Variants in MTAP observed in about 807,000 individuals in gnomAD.
MTAP encodes methylthioadenosine phosphorylase, also known as S-methyl-5'-thioadenosine phosphorylase.
In MTAP, 33 loss-of-function variants were observed where a neutral mutation model predicts 33.6. That is an observed-to-expected ratio of 0.98 (90% CI 0.74 to 1.31). The LOEUF (loss-of-function observed/expected upper bound fraction) is 1.31. Ranked by LOEUF, MTAP falls within the 40% of genes most tolerant of loss-of-function variation. The probability of loss-of-function intolerance (pLI) is 0.00; values close to 1 mark genes in which losing one functional copy is unlikely to be tolerated. For missense variants in MTAP, 367 were observed against 360.0 expected (o/e 1.02, Z -0.16); for synonymous variants, 148 against 125.7 (o/e 1.18, Z -1.19).
intron 1 of MTAP, chr9:21,892,343 C>T (rs985198905): frequency 1.3e-5 from 2 of 152,048 alleles, no homozygotes; most frequent in Non-Finnish European, 2.9e-5. Context: ...GATAAAGAAG[C>T]AAGACTCAAC....
intron 4 of MTAP, among the ~76,000 whole-genome samples, chr9:21,826,609 T>TTTATTA (rs149631009): frequency 0.019 from 2,734 of 140,850 alleles, 36 homozygotes; most frequent in South Asian, 0.03. Flanking sequence ...TGGGGTTTTG[T>TTTATTA]TTATTATTAT....
chr9:21,898,284 T>A (rs199842644), intron 1 of MTAP, among the ~76,000 whole-genome samples: 5 of 152,060 alleles, frequency 3.3e-5, no homozygotes, highest in Non-Finnish European at 7.4e-5. Context: ...AAACCCTAGA[T>A]GAAAACCTAG....
chr9:21,875,885 T>C (rs1481376139), intron 1 of MTAP, among the ~76,000 whole-genome samples: 2 of 152,162 alleles, frequency 1.3e-5, no homozygotes, highest in East Asian at 1.9e-4. Flanking sequence ...CCTCTGGGTA[T>C]ATACCTAGTA....
chr9:21,812,329 A>G lies in MTAP; in HGVS notation c.34-3104A>G, dbSNP rs373664973. On this transcript the variant is annotated intron_variant, in intron 1 of 7. Coordinates refer to ENST00000644715, the MANE Select transcript of MTAP (RefSeq NM_002451.4). Reference sequence around the variant, plus strand: ...TTTAGGGTTCTGAGGCAGATGTCATAGAGAGCTTTATTTATTATCATTGCA... The same window carrying G: ...TTTAGGGTTCTGAGGCAGATGTCATGGAGAGCTTTATTTATTATCATTGCA... 20 of 176,528 alleles carry G rather than the reference A, an allele frequency of 1.1e-4. 1 individual carries two copies. In the East Asian group the frequency reaches 2.6e-3, roughly 23 times the overall value. The allele number at this position is 176,528 out of a possible 1,614,324, so 10.9% of individuals were successfully genotyped here. A position where few individuals can be genotyped will look rare whatever the true frequency, so the allele number is the denominator to read the frequency against.
intron 1 of MTAP, among the ~76,000 whole-genome samples, chr9:21,876,394 T>A (rs2118673182): frequency 6.6e-6 from 1 of 152,340 alleles, no homozygotes; most frequent in South Asian, 2.1e-4. Context: ...TTGTCAATTT[T>A]TGCTTTTGTT....
intron 1 of MTAP, among the ~76,000 whole-genome samples, chr9:21,906,503 A>G (rs960272285): frequency 6.6e-6 from 1 of 152,088 alleles, no homozygotes; most frequent in African/African-American, 2.4e-5. Flanking sequence ...AGCAGAGAGG[A>G]GAGAGAAGAT....
At chr9:21,812,473 C>A (rs1824375642) in intron 1 of MTAP, 1 of 152,568 alleles carries the variant, frequency 6.6e-6, no homozygotes, top group South Asian at 2.1e-4. Context: ...AGAACTCTAT[C>A]TTGTGTAATA....
chr9:21,816,666 C>A (rs772395552), intron 2 of MTAP, 48 bp from the exon 3 acceptor site: 4 of 1,521,116 alleles, frequency 2.6e-6, no homozygotes, highest in African/African-American at 1.4e-5. Context: ...AATTTACATA[C>A]CTGTTTTTAA....
Position 21,864,568 on chromosome 9 carries a change from A to G in MTAP, c.*2554A>G. On this transcript the variant is annotated 3_prime_UTR_variant, in exon 8 of 8. Transcript: ENST00000644715. Reference sequence around the variant, plus strand: ...ATGGATTTTCATGGTTTTGAGAATGACATCCTGGCCCTGTGGTCCCCGAGG... The same window carrying G: ...ATGGATTTTCATGGTTTTGAGAATGGCATCCTGGCCCTGTGGTCCCCGAGG... The G allele has an allele frequency of 1.0e-6, 1 of 985,510 alleles. No homozygotes were observed. Among genetic ancestry groups the G allele is most frequent in the Non-Finnish European group, 1.2e-6 (1 of 829,984 alleles). The allele number at this position is 985,510 out of a possible 1,614,324, so 61.0% of individuals were successfully genotyped here.
intron 1 of MTAP, among the ~76,000 whole-genome samples, chr9:21,882,489 A>G (rs1818031356): frequency 1.3e-5 from 2 of 152,068 alleles, no homozygotes; most frequent in African/African-American, 2.4e-5. Flanking sequence ...TAACTGATCT[A>G]TGTATTCAAC....
chr9:21,903,867 T>G (rs976385854), intron 1 of MTAP, among the ~76,000 whole-genome samples: 2 of 152,174 alleles, frequency 1.3e-5, no homozygotes, highest in African/African-American at 2.4e-5. Context: ...TCTTTTAGTT[T>G]AGCTGTCTGT....
intron 1 of MTAP, among the ~76,000 whole-genome samples, chr9:21,875,806 A>C (rs1050716206): frequency 1.3e-5 from 2 of 152,028 alleles, no homozygotes; most frequent in African/African-American, 2.4e-5. Flanking sequence ...GTGGGCATTT[A>C]GGTTGATTCC....
chr9:21,914,830 T>A (rs769921571), intron 1 of MTAP, among the ~76,000 whole-genome samples: 3 of 150,452 alleles, frequency 2.0e-5, no homozygotes, highest in Non-Finnish European at 4.4e-5. Context: ...ATCATATAGA[T>A]AATATGGTAA....
chr9:21,816,795 G>C, intron 3 of MTAP, 23 bp downstream of exon 3: 1 of 1,582,562 alleles, frequency 6.3e-7, no homozygotes, highest in Non-Finnish European at 8.6e-7. Context: ...AAGCTTTTTG[G>C]ATGTTACTAC....
chr9:21,921,464 C>T (rs77392950), intron 1 of MTAP, among the ~76,000 whole-genome samples: 7,911 of 152,028 alleles, frequency 0.052, 688 homozygotes, highest in African/African-American at 0.18. Flanking sequence ...TTCTAGCTCC[C>T]TGAGGTGCAT....
At chr9:21,831,395 G>A (rs895215598) in intron 4 of MTAP, among the ~76,000 whole-genome samples, 14 of 152,104 alleles carry the variant, frequency 9.2e-5, no homozygotes, top group Non-Finnish European at 2.1e-4. Flanking sequence ...AGAGTGCAGT[G>A]GCCTGATCGC....
At chr9:21,939,810 G>T (rs1446805313), downstream of MTAP, among the ~76,000 whole-genome samples, 1 of 152,114 alleles carries the variant, frequency 6.6e-6, no homozygotes, top group Admixed American at 6.6e-5. Context: ...TTGAACCTGG[G>T]AGGTGGAGGC....
rs532250374 is a variant in MTAP, at chr9:21,931,028, C to T, written c.168C>T (p.Ile56=). 5.4e-5 allele frequency: 41 copies of T among 763,906 alleles called. No homozygotes were observed. The South Asian group carries it at 5.5e-4, about 10-fold the overall frequency. 47.3% of individuals were successfully genotyped at this position (763,906 alleles called of 1,614,324 possible). ...TTTAGATGATCAAGTTCCAGATGAT[C>T]CTCAGTGAGGGATACCATCCTTTCA... Residue 56 remains isoleucine (I), a synonymous_variant, in exon 2 of 2, where the codon ATC becomes ATT. Transcript: ENST00000577563.
chr9:21,818,030 C>T lies in MTAP; in HGVS notation c.180-5C>T, dbSNP rs1824528532. 1 of 1,605,442 alleles carries T rather than the reference C, an allele frequency of 6.2e-7. No individual in the cohort carries two copies. Among genetic ancestry groups the T allele is most frequent in the Non-Finnish European group, 8.5e-7 (1 of 1,176,954 alleles). On this transcript the variant is annotated splice_region_variant and splice_polypyrimidine_tract_variant and intron_variant, in intron 3 of 7. Transcript: ENST00000644715. ...GGGTTAACAATTTCTTCTCTCCTTC[C>T]ATAGGCATGGAAGGCAGCACACCAT...
Sources: allele counts gnomAD v4.1 joint callset (sites outside exome capture counted in the v4.1 genomes callset), GRCh38; gene constraint gnomAD v4.1.1; transcripts MANE v1.5; gene names NCBI Gene and HGNC (gene_info 2026-07-23, HGNC 2026-07-21).